The following TBC1D5 variants were observed in gnomAD, a reference collection of about 807,000 sequenced individuals.
The protein encoded by TBC1D5 is TBC1 domain family member 5, also known as TBC1 domain family, member 5.
In TBC1D5, 75 loss-of-function variants were observed where a neutral mutation model predicts 100.3. That is an observed-to-expected ratio of 0.75 (90% CI 0.62 to 0.91). The LOEUF is 0.91. Ranked by LOEUF, TBC1D5 falls within the 40% of genes least tolerant of loss-of-function variation. The pLI is 0.00. For missense variants in TBC1D5, 910 were observed against 942.4 expected (o/e 0.97, Z 0.45); for synonymous variants, 323 against 325.6 (o/e 0.99, Z 0.09).
rs1171967349 is a variant in TBC1D5 at position 17,391,038 on chromosome 3, C to A, written c.510-7023G>T. On this transcript the variant is annotated intron_variant, in intron 8 of 21. Transcript: ENST00000253692. ...TATGTGGGACCAGGAAATACACTCC[C>A]CTAACTTCCCCACCGGCAGGCCTCT... is the stretch of plus-strand genomic sequence containing the variant. Among the ~76,000 whole-genome samples the A allele has an allele frequency of 3.3e-5, 5 of 152,180 alleles. No individual in the cohort carries two copies. In the South Asian group the frequency reaches 1.0e-3, roughly 32 times the overall value.
chr3:17,412,972 C>A (rs2093975565), intron 4 of TBC1D5, among the ~76,000 whole-genome samples: 1 of 152,142 alleles, frequency 6.6e-6, no homozygotes, highest in Non-Finnish European at 1.5e-5. Context: ...CATGGACATG[C>A]AGATAACTTT....
chr3:17,561,264 T>G (rs530637296), intron 2 of TBC1D5, among the ~76,000 whole-genome samples: 2 of 152,330 alleles, frequency 1.3e-5, no homozygotes, highest in Non-Finnish European at 2.9e-5. Flanking sequence ...TAAAGCAAAT[T>G]AATTTCATAC....
intron 3 of TBC1D5, among the ~76,000 whole-genome samples, chr3:17,430,860 TAG>T (rs1479682315): frequency 6.6e-6 from 1 of 151,926 alleles, no homozygotes; most frequent in Non-Finnish European, 1.5e-5. Context: ...CTACATCCTG[TAG>T]AGATTTTCCT....
In TBC1D5 at chr3:17,480,706, C is replaced by T. The variant is rs570560302; in HGVS notation, c.97+27768G>A. On this transcript the variant is annotated intron_variant, in intron 3 of 21. Coordinates refer to ENST00000253692, the Ensembl canonical transcript of TBC1D5. ...AGAGCTGGAGACTCATTGGGACTAC[C>T]TGCCTTCAGAAAGGAGCTACCCAGT... Among the ~76,000 whole-genome samples, 37 of 152,270 alleles carry T rather than the reference C, an allele frequency of 2.4e-4. No individual in the cohort carries two copies. In the South Asian group the frequency reaches 4.8e-3, roughly 20 times the overall value.
At chr3:17,398,671 G>A (rs1250868418) in intron 8 of TBC1D5, among the ~76,000 whole-genome samples, 2 of 152,066 alleles carry the variant, frequency 1.3e-5, no homozygotes, top group East Asian at 3.9e-4. Flanking sequence ...GGTTTGAAAG[G>A]TAAGATCTGG....
intron 3 of TBC1D5, among the ~76,000 whole-genome samples, chr3:17,504,744 C>T (rs1052504293): frequency 3.3e-5 from 5 of 152,124 alleles, no homozygotes; most frequent in Non-Finnish European, 7.4e-5. Flanking sequence ...GTTTATAGTA[C>T]TTCAGACACC....
chr3:17,259,994 T>A (rs2149452267), intron 15 of TBC1D5, among the ~76,000 whole-genome samples: 1 of 152,280 alleles, frequency 6.6e-6, no homozygotes, highest in South Asian at 2.1e-4. Flanking sequence ...AACTGATGCT[T>A]CCATGACGAC....
chr3:17,313,867 T>TA (rs1302889018), intron 13 of TBC1D5, among the ~76,000 whole-genome samples: 2 of 152,214 alleles, frequency 1.3e-5, no homozygotes, highest in Non-Finnish European at 2.9e-5. Context: ...GGGTACCTAT[T>TA]AAGAGAGTCA....
chr3:17,651,815 T>C (rs1253053161), intron 1 of TBC1D5, among the ~76,000 whole-genome samples: 1 of 152,184 alleles, frequency 6.6e-6, no homozygotes, highest in Non-Finnish European at 1.5e-5. Flanking sequence ...TCAGGAGTTC[T>C]GTTCTAGAAC....
intron 1 of TBC1D5, among the ~76,000 whole-genome samples, chr3:17,655,684 G>A (rs531244201): frequency 2.0e-5 from 3 of 152,128 alleles, no homozygotes; most frequent in South Asian, 2.1e-4. Context: ...GAACGCTGAT[G>A]TGATGCTCAA....
intron 13 of TBC1D5, among the ~76,000 whole-genome samples, chr3:17,313,044 A>G (rs977157154): frequency 1.3e-5 from 2 of 152,216 alleles, no homozygotes; most frequent in African/African-American, 4.8e-5. Context: ...ATTTACCAGG[A>G]AATTCCAATA....
At position 17,212,509 on chromosome 3, in the gene TBC1D5, A is replaced by AT. The variant is rs1559418609; in HGVS notation, c.1752+1697_1752+1698insA. Among the ~76,000 whole-genome samples the AT allele has an allele frequency of 2.1e-3, 318 of 151,712 alleles. 1 individual carries two copies. Among genetic ancestry groups the AT allele is most frequent in the African/African-American group, 6.5e-3 (269 of 41,384 alleles). Reference sequence around the variant, plus strand: ...GTACTTCTAGTTATATATATATATAAAAAAAGAGTTAACTTTAAAACAATG... The same window carrying AT: ...GTACTTCTAGTTATATATATATATAATAAAAAGAGTTAACTTTAAAACAATG... On this transcript the variant is annotated intron_variant, in intron 18 of 21. Coordinates refer to ENST00000253692, the Ensembl canonical transcript of TBC1D5.
intron 3 of TBC1D5, among the ~76,000 whole-genome samples, chr3:17,467,215 T>C (rs2095314354): frequency 6.6e-6 from 1 of 151,646 alleles, no homozygotes; most frequent in African/African-American, 2.4e-5. Flanking sequence ...TTTCAGTGCC[T>C]TTCTGATTTT....
intron 8 of TBC1D5, among the ~76,000 whole-genome samples, chr3:17,393,508 A>G (rs2093417375): frequency 6.6e-6 from 1 of 152,178 alleles, no homozygotes; most frequent in South Asian, 2.1e-4. Flanking sequence ...AAGAGCCCAT[A>G]TATTCATGAC....
At chr3:17,472,968 A>AGT (rs2095396613) in intron 3 of TBC1D5, among the ~76,000 whole-genome samples, 4 of 152,238 alleles carry the variant, frequency 2.6e-5, no homozygotes, top group Admixed American at 2.6e-4. Context: ...TAGTTGAACC[A>AGT]TGCAATCCTT....
At chr3:17,334,340 G>A (rs2087345349) in intron 13 of TBC1D5, among the ~76,000 whole-genome samples, 1 of 152,086 alleles carries the variant, frequency 6.6e-6, no homozygotes, top group Non-Finnish European at 1.5e-5. Flanking sequence ...TTAATTATCA[G>A]ACTATGTATA....
intron 1 of TBC1D5, among the ~76,000 whole-genome samples, chr3:17,633,998 A>G (rs1377959217): frequency 2.0e-5 from 3 of 152,176 alleles, no homozygotes; most frequent in African/African-American, 7.2e-5. Context: ...GGGAAATGCA[A>G]ATCAAAACTA....
intron 2 of TBC1D5, among the ~76,000 whole-genome samples, chr3:17,553,214 A>C (rs562047290): frequency 1.3e-3 from 198 of 152,286 alleles, no homozygotes; most frequent in Non-Finnish European, 2.3e-3. Context: ...TAAAGAGGTC[A>C]CCAGTCAATA....
At chr3:17,520,479 T>C (rs1243819942) in intron 2 of TBC1D5, among the ~76,000 whole-genome samples, 1 of 152,116 alleles carries the variant, frequency 6.6e-6, no homozygotes, top group Non-Finnish European at 1.5e-5. Context: ...AAGGGCAAAC[T>C]CAGTAGAAGA....
Sources: gnomAD v4.1 joint callset for allele counts (sites outside exome capture counted in the v4.1 genomes callset) on GRCh38, gnomAD v4.1.1 for gene constraint, MANE v1.5 for transcripts, NCBI Gene and HGNC (gene_info 2026-07-23, HGNC 2026-07-21) for gene names.